Variants in TRIM2 observed in about 807,000 individuals in gnomAD.
TRIM2 encodes tripartite motif-containing protein 2.
TRIM2 carries 20 observed loss-of-function variants against 75.2 expected under a neutral mutation model. The ratio of observed to expected loss-of-function variants is 0.27; its 90% CI spans 0.19 to 0.39. TRIM2 has a LOEUF of 0.39. Among genes scored for constraint, TRIM2 ranks in the 10% least tolerant of loss-of-function variants. TRIM2 has a pLI of 1.00. For synonymous variants in TRIM2, 373 were observed against 388.3 expected (o/e 0.96, Z 0.46); for missense variants, 660 against 990.8 (o/e 0.67, Z 4.48).
At chr4:153,293,432 C>T (rs1762207213) in intron 4 of TRIM2, among the ~76,000 whole-genome samples, 1 of 152,220 alleles carries the variant, frequency 6.6e-6, no homozygotes, top group African/African-American at 2.4e-5. Flanking sequence ...TTCTGAAATT[C>T]ATCCCTGAAA....
chr4:153,282,173 T>G (rs577691112), intron 3 of TRIM2, among the ~76,000 whole-genome samples: 39 of 152,134 alleles, frequency 2.6e-4, no homozygotes, highest in Non-Finnish European at 5.0e-4. Flanking sequence ...ATCATCTCAC[T>G]GGAGATGGAT....
rs1401628640 is a variant in TRIM2, at chr4:153,294,449, T to C, written c.750T>C (p.Leu250=). Residue 250 remains leucine, a synonymous_variant, in exon 5 of 12, where the codon CTT becomes CTC. Coordinates refer to ENST00000338700, the MANE Select transcript of TRIM2 (RefSeq NM_015271.5). ...KTLNVRKSVL[L]MELEVNYGLK... Reference sequence around the variant, plus strand: ...TAAATGTGCGCAAGAGTGTGCTGCTTATGGAATTGGAGGTCAACTATGGCC... The same window carrying C: ...TAAATGTGCGCAAGAGTGTGCTGCTCATGGAATTGGAGGTCAACTATGGCC... The C allele has an allele frequency of 1.2e-6, 2 of 1,614,048 alleles. No homozygotes were observed. The highest frequency in any genetic ancestry group is 1.1e-5 in the South Asian group (1 of 91,038).
Position 153,307,693 on chromosome 4 carries a change from G to A in TRIM2, c.1511-7792G>A, listed in dbSNP as rs114989202. The A allele has an allele frequency of 2.6e-3, 1,348 of 518,582 alleles. 14 individuals carry two copies. Among genetic ancestry groups the A allele is most frequent in the African/African-American group, 0.023 (1,202 of 52,248 alleles). The allele number at this position is 518,582 out of a possible 1,614,324, so 32.1% of individuals were successfully genotyped here. A position where few individuals can be genotyped will look rare whatever the true frequency, so the allele number is the denominator to read the frequency against. ...GCCACAGGGACTGCTAGTCACAAGC[G>A]GGTTTTCTAGACCTGTTAGCTGGAA... On this transcript the variant is annotated intron_variant, in intron 6 of 11. Transcript: ENST00000338700.
chr4:153,336,551 A>C lies in TRIM2; in HGVS notation c.*1585A>C. The C allele has an allele frequency of 3.0e-6, 3 of 985,852 alleles. No individual in the cohort carries two copies. The highest frequency in any genetic ancestry group is 3.6e-6 in the Non-Finnish European group (3 of 829,926). 61.1% of individuals were successfully genotyped at this position (985,852 alleles called of 1,614,324 possible). On this transcript the variant is annotated 3_prime_UTR_variant, in exon 12 of 12. Coordinates refer to ENST00000338700, the MANE Select transcript of TRIM2 (RefSeq NM_015271.5). ...ACTGTTTAATTTTCTACTCAGTTCTACCAAATAGGATGTCATGTTTGACAT... is the reference window on the plus strand; with the variant it reads ...ACTGTTTAATTTTCTACTCAGTTCTCCCAAATAGGATGTCATGTTTGACAT...
intron 3 of TRIM2, 88 bp from the exon 4 acceptor site, chr4:153,292,894 T>C (rs368232917): frequency 8.1e-7 from 1 of 1,239,070 alleles, no homozygotes. Context: ...CTCATTTAAT[T>C]ATGAGAGACT....
chr4:153,276,796 T>G (rs549142753), intron 3 of TRIM2, among the ~76,000 whole-genome samples: 2 of 152,364 alleles, frequency 1.3e-5, no homozygotes, highest in South Asian at 2.1e-4. Context: ...TTATTCCCTG[T>G]GCCAGCTTTG....
intron 1 of TRIM2, among the ~76,000 whole-genome samples, chr4:153,181,357 G>C (rs1420441140): frequency 6.6e-6 from 1 of 151,942 alleles, no homozygotes; most frequent in Non-Finnish European, 1.5e-5. Flanking sequence ...GAGGCCCTGT[G>C]GGCCCTGGTC....
At chr4:153,203,168 G>A (rs561596900), upstream of TRIM2, among the ~76,000 whole-genome samples, 3 of 151,522 alleles carry the variant, frequency 2.0e-5, no homozygotes, top group East Asian at 3.9e-4. Flanking sequence ...AGAAGCCACG[G>A]CTCTCCTGCC....
chr4:153,243,384 A>T (rs1203286496), intron 1 of TRIM2, among the ~76,000 whole-genome samples: 1 of 152,264 alleles, frequency 6.6e-6, no homozygotes, highest in East Asian at 1.9e-4. Context: ...TGGCAGGGCA[A>T]AGACGAAGAG....
rs571382533 is a variant in TRIM2, at chr4:153,292,312, C to A, written c.454-670C>A. ...ATGGAAAACAATACCATTTTTCCCA[C>A]AAATTTTTTTGTTTTTCACAATATA... is the stretch of plus-strand genomic sequence containing the variant. On this transcript the variant is annotated intron_variant, in intron 3 of 11. Transcript: ENST00000338700. 1.8e-4 allele frequency among the ~76,000 whole-genome samples: 27 copies of A among 152,232 alleles called. No individual in the cohort carries two copies. The South Asian group carries it at 5.6e-3, about 32-fold the overall frequency.
intron 1 of TRIM2, among the ~76,000 whole-genome samples, chr4:153,214,492 A>G (rs1737954742): frequency 6.6e-6 from 1 of 152,234 alleles, no homozygotes; most frequent in African/African-American, 2.4e-5. Context: ...AGAATCTTGG[A>G]ACAAAAGAAA....
chr4:153,188,115 G>C (rs1732796289), intron 1 of TRIM2, among the ~76,000 whole-genome samples: 1 of 152,178 alleles, frequency 6.6e-6, no homozygotes. Context: ...TAAGAAGCTG[G>C]AGTTGTTATT....
In TRIM2 at chr4:153,334,270, G is replaced by A. The variant is rs1035181239; in HGVS notation, c.2164-544G>A. On this transcript the variant is annotated intron_variant, in intron 11 of 11. Coordinates refer to ENST00000338700, the MANE Select transcript of TRIM2 (RefSeq NM_015271.5). ...TCTCCACCACCTGGAAATAGATGGGGAGAGGAGAGAAAGCAAGGTAAGTGG... is the reference window on the plus strand; with the variant it reads ...TCTCCACCACCTGGAAATAGATGGGAAGAGGAGAGAAAGCAAGGTAAGTGG... Among the ~76,000 whole-genome samples, 5 of 152,054 alleles carry A rather than the reference G, an allele frequency of 3.3e-5. No homozygotes were observed. The South Asian group carries it at 1.0e-3, about 31-fold the overall frequency.
At chr4:153,214,250 AAAGTTAG>A (rs1367032554) in intron 1 of TRIM2, among the ~76,000 whole-genome samples, 2 of 152,234 alleles carry the variant, frequency 1.3e-5, no homozygotes, top group East Asian at 3.8e-4. Flanking sequence ...AAGGACTCTA[AAAGTTAG>A]ATAAGCCACT....
Position 153,295,944 on chromosome 4 carries a change from T to C in TRIM2, c.1418T>C (p.Val473Ala). The change falls in exon 6 of 12, where the codon GTC becomes GCC. Residue 473 changes from valine (V) to alanine (A), a missense_variant. Physicochemically the swap from Val to Ala is moderately conservative, Grantham distance 64. Transcript: ENST00000338700. The surrounding 1 kb of genome is among the most constrained non-coding windows in gnomAD (Gnocchi z 7.2). ...GTTAAGTCCCCGGGGAGCGGCCACGTCAAGCAGAAAGCTGTGAAAAGACCC... is the reference window on the plus strand; with the variant it reads ...GTTAAGTCCCCGGGGAGCGGCCACGCCAAGCAGAAAGCTGTGAAAAGACCC... ...RRVKSPGSGH[V>A]KQKAVKRPAS... 1 of 1,588,880 alleles carries C rather than the reference T, an allele frequency of 6.3e-7. No homozygotes were observed. The highest frequency in any genetic ancestry group is 8.6e-7 in the Non-Finnish European group (1 of 1,168,830).
intron 1 of TRIM2, among the ~76,000 whole-genome samples, chr4:153,165,686 G>T (rs1730226839): frequency 1.3e-5 from 2 of 152,116 alleles, no homozygotes; most frequent in South Asian, 4.1e-4. Context: ...TCAGAATTTT[G>T]TAGGTGACTC....
At chr4:153,230,860 C>G (rs935605276) in intron 1 of TRIM2, among the ~76,000 whole-genome samples, 1 of 152,226 alleles carries the variant, frequency 6.6e-6, no homozygotes, top group Non-Finnish European at 1.5e-5. Context: ...TAGCTGAGCT[C>G]ACTTGGAACT....
chr4:153,207,950 C>G (rs971446247), intron 1 of TRIM2, among the ~76,000 whole-genome samples: 1 of 152,172 alleles, frequency 6.6e-6, no homozygotes, highest in African/African-American at 2.4e-5. Flanking sequence ...TCATGCTTAT[C>G]CATGTTGAAG....
At chr4:153,152,604 C>T (rs1412258538), upstream of TRIM2, 5 of 151,800 alleles carry the variant, frequency 3.3e-5, no homozygotes, top group East Asian at 9.7e-4. Context: ...CAAGGAGCCC[C>T]CTCAGACAGT....
Sources: allele counts gnomAD v4.1 joint callset (sites outside exome capture counted in the v4.1 genomes callset), GRCh38; gene constraint gnomAD v4.1.1; non-coding constraint Gnocchi (gnomAD v3.1); transcripts MANE v1.5; gene names NCBI Gene and HGNC (gene_info 2026-07-23, HGNC 2026-07-21).